SGSM2: variants seen among roughly 807,000 people sequenced by gnomAD.
The protein encoded by SGSM2 is RUN and TBC1 domain containing 1.
A neutral mutation model predicts 126.6 loss-of-function variants in SGSM2; 89 were observed. The ratio of observed to expected loss-of-function variants is 0.70; its 90% CI spans 0.59 to 0.84. The LOEUF (loss-of-function observed/expected upper bound fraction) is 0.84, where lower values mean the gene tolerates loss of function less well. Among genes scored for constraint, SGSM2 ranks in the 40% least tolerant of loss-of-function variants. The pLI, the probability that SGSM2 is intolerant of heterozygous loss-of-function variation, is 0.00. For synonymous variants in SGSM2, 614 were observed against 574.3 expected, an observed-to-expected ratio of 1.07 and a Z score of -0.99; for missense variants, 1,404 against 1,416.6, an observed-to-expected ratio of 0.99 and a Z score of 0.14.
intron 2 of SGSM2, among the ~76,000 whole-genome samples, chr17:2,351,424 G>A (rs1275140661): frequency 6.6e-6 from 1 of 152,168 alleles, no homozygotes; most frequent in Non-Finnish European, 1.5e-5. Context: ...TCATTGAACT[G>A]TGGGCTTATG....
chr17:2,366,424 T>C (rs1448551167), intron 11 of SGSM2: 1 of 152,224 alleles, frequency 6.6e-6, no homozygotes, highest in African/African-American at 2.4e-5. Flanking sequence ...GCTCCCTAAA[T>C]TTCCAACTTG....
At position 2,363,904 on chromosome 17, in the gene SGSM2, C is replaced by G; in HGVS notation, c.808-155C>G. 1.1e-6 allele frequency: 1 copy of G among 905,818 alleles called. No individual in the cohort carries two copies. The highest frequency in any genetic ancestry group is 1.7e-6 in the Non-Finnish European group (1 of 597,926). 56.1% of individuals were successfully genotyped at this position (905,818 alleles called of 1,614,324 possible). A position where few individuals can be genotyped will look rare whatever the true frequency, so the allele number is the denominator to read the frequency against. ...CCAGGCTGACCAGGGAAACTGAGTC[C>G]TGTTTTCCTGTGCTTCTGCCCCGTC... On this transcript the variant is annotated intron_variant, in intron 7 of 23. Coordinates refer to ENST00000268989, the MANE Select transcript of SGSM2 (RefSeq NM_014853.3). This position sits in a 1 kb window ranked among gnomAD's most constrained non-coding sequence, Gnocchi z 4.2.
Position 2,361,279 on chromosome 17 carries a change from C to T in SGSM2, c.134-358C>T, listed in dbSNP as rs62067012. Reference sequence around the variant, plus strand: ...GTGCCCTCCAGAAAGGCTCCCGAGTCGGGTGTTCCTCACATCCCCGTCCTG... The same window carrying T: ...GTGCCCTCCAGAAAGGCTCCCGAGTTGGGTGTTCCTCACATCCCCGTCCTG... On this transcript the variant is annotated intron_variant, in intron 2 of 23. Transcript: ENST00000268989. 1.8e-3 allele frequency among the ~76,000 whole-genome samples: 270 copies of T among 152,328 alleles called. 1 individual carries two copies. The highest frequency in any genetic ancestry group is 6.8e-3 in the Middle Eastern group (2 of 294).
At chr17:2,377,226 C>G in intron 21 of SGSM2, 158 bp downstream of exon 21, 1 of 588,986 alleles carries the variant, frequency 1.7e-6, no homozygotes, top group South Asian at 2.2e-5. Flanking sequence ...TGGCTCAGGC[C>G]TGTCATCCCA....
chr17:2,371,374 C>T lies in SGSM2; in HGVS notation c.1536C>T (p.Ser512=), dbSNP rs2151614914. ...SSCLSCSSSS[S]PHATPSHCSC... The stretch of plus-strand genomic sequence containing the variant: ...GCCTCTCCTGCTCCTCCAGCAGCTC[C>T]CCACATGCAACCCCCAGCCACTGTA... Residue 512 remains serine (S), a synonymous_variant, in exon 13 of 24, where the codon TCC becomes TCT. Coordinates refer to ENST00000268989, the MANE Select transcript of SGSM2 (RefSeq NM_014853.3). The T allele has an allele frequency of 6.2e-7, 1 of 1,611,666 alleles. No homozygotes were observed. Among genetic ancestry groups the T allele is most frequent in the South Asian group, 1.1e-5 (1 of 90,966 alleles).
At chr17:2,370,242 G>T (rs905793001) in intron 12 of SGSM2, among the ~76,000 whole-genome samples, 1 of 152,168 alleles carries the variant, frequency 6.6e-6, no homozygotes, top group Non-Finnish European at 1.5e-5. Flanking sequence ...CTCCCTCCCG[G>T]CATCACCCCC....
chr17:2,342,833 A>T (rs987770667), intron 1 of SGSM2, among the ~76,000 whole-genome samples: 5 of 151,850 alleles, frequency 3.3e-5, no homozygotes, highest in African/African-American at 1.2e-4. Flanking sequence ...AAAAATTAGC[A>T]GGGCGTGGTG....
intron 19 of SGSM2, 198 bp downstream of exon 19, chr17:2,376,459 C>A: frequency 1.5e-6 from 1 of 682,970 alleles, no homozygotes; most frequent in Non-Finnish European, 2.4e-6. Context: ...ACCTCCACTT[C>A]AGCCACACCT....
In SGSM2 at chr17:2,367,451, C is replaced by T; in HGVS notation, c.1423+46C>T. 4 of 1,586,068 alleles carry T rather than the reference C, an allele frequency of 2.5e-6. No individual in the cohort carries two copies. Among genetic ancestry groups the T allele is most frequent in the Non-Finnish European group, 3.4e-6 (4 of 1,163,896 alleles). Reference sequence around the variant, plus strand: ...CTGACCCACCTCATCCCCACCCTCCCTCCCGGGCCCGCCTGCCACCCACCA... The same window carrying T: ...CTGACCCACCTCATCCCCACCCTCCTTCCCGGGCCCGCCTGCCACCCACCA... On this transcript the variant is annotated intron_variant, in intron 12 of 23. Transcript: ENST00000268989. The surrounding 1 kb of genome is among the most constrained non-coding windows in gnomAD (Gnocchi z 4.0).
At chr17:2,340,785 CAT>C (rs1567795639) in intron 1 of SGSM2, among the ~76,000 whole-genome samples, 9 of 152,042 alleles carry the variant, frequency 5.9e-5, no homozygotes, top group Admixed American at 5.9e-4. Flanking sequence ...GGGGTTTCAC[CAT>C]GTTAGCCAGG....
chr17:2,377,531 AGT>A (rs1301888009), intron 21 of SGSM2: 288 of 195,888 alleles, frequency 1.5e-3, no homozygotes, highest in Middle Eastern at 3.9e-3. Context: ...ATTGAGGAGG[AGT>A]GTGTGTGTGT....
intron 3 of SGSM2, 30 bp downstream of exon 3, chr17:2,361,829 C>T (rs1244207330): frequency 5.8e-6 from 9 of 1,562,254 alleles, no homozygotes; most frequent in Non-Finnish European, 6.9e-6. Context: ...CTTCTTCCCT[C>T]CTTTCAGCTC....
chr17:2,348,194 A>G (rs1199328265), intron 2 of SGSM2, among the ~76,000 whole-genome samples: 1 of 152,114 alleles, frequency 6.6e-6, no homozygotes, highest in Admixed American at 6.5e-5. Context: ...GCTGGGAGAG[A>G]AGCCGGTGCT....
intron 1 of SGSM2, among the ~76,000 whole-genome samples, chr17:2,338,388 C>T (rs1409714936): frequency 2.6e-5 from 4 of 152,134 alleles, no homozygotes; most frequent in African/African-American, 9.7e-5. Context: ...GTAGTCCTTC[C>T]CTCTACTAAC....
Position 2,375,759 on chromosome 17 carries a change from C to A in SGSM2, c.2368C>A (p.Pro790Thr), listed in dbSNP as rs1448133072. ...CGGTGGGGAGGAAGGCTCCAGTGGG[C>A]CCGGCCCTGCAGCTCACACTTTGAG... Reference protein sequence around the residue: ...DGGGEEGSSGPGPAAHTLREP... With the variant: ...DGGGEEGSSGTGPAAHTLREP... The change falls in exon 18 of 24, where the codon CCC (proline) becomes ACC (threonine). Residue 790 changes from proline to threonine, a missense_variant. Transcript: ENST00000268989. 7 of 1,601,760 alleles carry A rather than the reference C, an allele frequency of 4.4e-6. No homozygotes were observed. In the South Asian group the frequency reaches 7.8e-5, roughly 18 times the overall value.
Position 2,379,662 on chromosome 17 carries a change from C to G in SGSM2, c.*142C>G, listed in dbSNP as rs1247742378. 6.9e-7 allele frequency: 1 copy of G among 1,454,920 alleles called. No homozygotes were observed. Among genetic ancestry groups the G allele is most frequent in the Non-Finnish European group, 9.1e-7 (1 of 1,099,512 alleles). The allele number at this position is 1,454,920 out of a possible 1,614,324, so 90.1% of individuals were successfully genotyped here. A position where few individuals can be genotyped will look rare whatever the true frequency, so the allele number is the denominator to read the frequency against. On this transcript the variant is annotated 3_prime_UTR_variant, in exon 24 of 24. Transcript: ENST00000268989. ...AGCGGTTGTGAGCCTGGATCCGACT[C>G]CCGGCAGTGCTGACCCTGCAGGGCA...
At chr17:2,353,285 C>T (rs983951204) in intron 2 of SGSM2, among the ~76,000 whole-genome samples, 2 of 152,146 alleles carry the variant, frequency 1.3e-5, no homozygotes, top group African/African-American at 2.4e-5. Context: ...GGAGGTGAAA[C>T]GAGATGCCCA....
rs762445963 is a variant in SGSM2 at position 2,362,089 on chromosome 17, A to G, written c.297-20A>G. 8.5e-5 allele frequency: 136 copies of G among 1,604,034 alleles called. No individual in the cohort carries two copies. Among genetic ancestry groups the G allele is most frequent in the Non-Finnish European group, 1.1e-4 (130 of 1,176,422 alleles). On this transcript the variant is annotated intron_variant, in intron 3 of 23. Coordinates refer to ENST00000268989, the MANE Select transcript of SGSM2 (RefSeq NM_014853.3). The surrounding 1 kb of genome is among the most constrained non-coding windows in gnomAD (Gnocchi z 4.9). ...TACCCCTAGACCACTGCACTCCTGG[A>G]GCCCTCCCCGCCTTTGCAGGAAACC...
chr17:2,380,309 TG>T lies in SGSM2; in HGVS notation c.*791del. 1 of 1,535,754 alleles carries T rather than the reference TG, an allele frequency of 6.5e-7. No individual in the cohort carries two copies. Among genetic ancestry groups the T allele is most frequent in the Non-Finnish European group, 8.7e-7 (1 of 1,146,774 alleles). On this transcript the variant is annotated 3_prime_UTR_variant, in exon 24 of 24. Transcript: ENST00000268989. ...GTGTAAGAAGTGATGCTTTTGCCAG[TG>T]GATGATCTGGAATGCGACCGGAGCA...
Sources: allele counts gnomAD v4.1 joint callset (sites outside exome capture counted in the v4.1 genomes callset), GRCh38; gene constraint gnomAD v4.1.1; non-coding constraint Gnocchi (gnomAD v3.1); transcripts MANE v1.5; gene names NCBI Gene and HGNC (gene_info 2026-07-23, HGNC 2026-07-21).